The following SLC26A7 variants were observed in gnomAD, a reference collection of about 807,000 sequenced individuals.
SLC26A7 encodes solute carrier family 26 member 7.
SLC26A7 carries 59 observed loss-of-function variants against 82.5 expected under a neutral mutation model. That is an observed-to-expected ratio of 0.72 (90% CI 0.58 to 0.89). The LOEUF (loss-of-function observed/expected upper bound fraction) is 0.89. SLC26A7 is among the 40% of genes least tolerant of loss of function. The probability of loss-of-function intolerance (pLI) is 0.00; values close to 1 mark genes in which losing one functional copy is unlikely to be tolerated. For synonymous variants in SLC26A7, 271 were observed against 274.3 expected, an observed-to-expected ratio of 0.99 and a Z score of 0.12; for missense variants, 820 against 793.0, an observed-to-expected ratio of 1.03 and a Z score of -0.41.
intron 2 of SLC26A7, among the ~76,000 whole-genome samples, chr8:91,240,791 T>C (rs1277084939): frequency 1.3e-5 from 2 of 152,096 alleles, no homozygotes; most frequent in African/African-American, 4.8e-5. Flanking sequence ...TTTAAGATCC[T>C]GGGAAAGCAT....
intron 3 of SLC26A7, among the ~76,000 whole-genome samples, chr8:91,292,049 T>C (rs528106230): frequency 2.0e-5 from 3 of 152,294 alleles, no homozygotes; most frequent in Admixed American, 2.0e-4. Flanking sequence ...CTCACACCTG[T>C]AGTCCCAGCC....
At chr8:91,348,356 A>G in intron 9 of SLC26A7, 1 of 985,362 alleles carries the variant, frequency 1.0e-6, no homozygotes, top group South Asian at 4.7e-5. Flanking sequence ...CTGCTTAGGA[A>G]GTAAATGGCT....
chr8:91,340,169 G>A lies in SLC26A7; in HGVS notation c.879-235G>A, dbSNP rs966779745. Among the ~76,000 whole-genome samples, 24 of 152,162 alleles carry A rather than the reference G, an allele frequency of 1.6e-4. 1 individual carries two copies. The highest frequency in any genetic ancestry group is 4.6e-4 in the African/African-American group (19 of 41,446). The stretch of plus-strand genomic sequence containing the variant: ...GTGGTGTAATCTGAATTCTCTGGGC[G>A]TAAATGCCAGTTAAATGCATGGAGC... On this transcript the variant is annotated intron_variant, in intron 7 of 18. Coordinates refer to ENST00000276609, the MANE Select transcript of SLC26A7 (RefSeq NM_052832.4).
At chr8:91,278,123 TTA>T (rs1811455544) in intron 2 of SLC26A7, among the ~76,000 whole-genome samples, 1 of 152,120 alleles carries the variant, frequency 6.6e-6, no homozygotes, top group Non-Finnish European at 1.5e-5. Flanking sequence ...GCTCACTCTC[TTA>T]TTGGTCAAAG....
intron 11 of SLC26A7, among the ~76,000 whole-genome samples, chr8:91,358,734 T>C (rs1586450593): frequency 6.6e-6 from 1 of 152,126 alleles, no homozygotes; most frequent in African/African-American, 2.4e-5. Context: ...ATACACACCA[T>C]GGAATACTAT....
intron 2 of SLC26A7, among the ~76,000 whole-genome samples, chr8:91,238,533 A>T (rs923448279): frequency 1.3e-5 from 2 of 149,178 alleles, no homozygotes; most frequent in Non-Finnish European, 3.0e-5. Flanking sequence ...GAAAGGTTTT[A>T]TATATATATA....
intron 2 of SLC26A7, among the ~76,000 whole-genome samples, chr8:91,257,634 A>C (rs1810841051): frequency 6.6e-6 from 1 of 152,070 alleles, no homozygotes; most frequent in Non-Finnish European, 1.5e-5. Flanking sequence ...ATAAAAAAAA[A>C]ACACATTTTT....
intron 2 of SLC26A7, among the ~76,000 whole-genome samples, chr8:91,288,764 C>T (rs1356606924): frequency 6.6e-6 from 1 of 152,162 alleles, no homozygotes; most frequent in African/African-American, 2.4e-5. Flanking sequence ...GCCTATCTTA[C>T]AGATGCTATT....
intron 2 of SLC26A7, among the ~76,000 whole-genome samples, chr8:91,287,066 A>T (rs1235791487): frequency 6.6e-6 from 1 of 152,106 alleles, no homozygotes; most frequent in Non-Finnish European, 1.5e-5. Context: ...AGGGCGAATG[A>T]TATTGTTGTT....
At chr8:91,220,396 A>C (rs1009848640) in intron 2 of SLC26A7, among the ~76,000 whole-genome samples, 2 of 151,952 alleles carry the variant, frequency 1.3e-5, no homozygotes, top group African/African-American at 4.8e-5. Flanking sequence ...TCTAAAAAAA[A>C]AAAACTGGGA....
intron 15 of SLC26A7, among the ~76,000 whole-genome samples, chr8:91,379,110 T>C (rs747376703): frequency 6.6e-6 from 1 of 151,968 alleles, no homozygotes; most frequent in East Asian, 1.9e-4. Context: ...TGTATAGACC[T>C]ACACAGGATG....
intron 3 of SLC26A7, among the ~76,000 whole-genome samples, chr8:91,292,319 AAAG>A (rs1420384781): frequency 1.3e-5 from 2 of 152,052 alleles, no homozygotes; most frequent in East Asian, 1.9e-4. Context: ...AAAAAAAAAA[AAAG>A]AAGATAATTT....
At chr8:91,348,241 C>G in intron 9 of SLC26A7, 4 of 731,774 alleles carry the variant, frequency 5.5e-6, no homozygotes, top group Non-Finnish European at 6.7e-6. Context: ...TGTCATCTCT[C>G]TCTTTTTTTC....
chr8:91,355,341 T>C (rs1057171602), intron 11 of SLC26A7, among the ~76,000 whole-genome samples: 30 of 152,252 alleles, frequency 2.0e-4, no homozygotes, highest in Admixed American at 1.5e-3. Context: ...AAATTTTTTC[T>C]TCTAATATAT....
At chr8:91,340,607 C>T (rs746949191) in intron 8 of SLC26A7, 56 bp downstream of exon 8, 28 of 1,593,876 alleles carry the variant, frequency 1.8e-5, no homozygotes, top group Admixed American at 8.3e-5. Flanking sequence ...ACTGTGCACT[C>T]CCAGATCCTA....
intron 4 of SLC26A7, among the ~76,000 whole-genome samples, chr8:91,315,757 C>T (rs1324836615): frequency 6.6e-6 from 1 of 152,004 alleles, no homozygotes; most frequent in East Asian, 1.9e-4. Context: ...GTAGTGTGGC[C>T]CTTCCTACAT....
chr8:91,285,034 C>T (rs920606159), intron 2 of SLC26A7, among the ~76,000 whole-genome samples: 4 of 152,330 alleles, frequency 2.6e-5, no homozygotes, highest in South Asian at 4.1e-4. Context: ...ATTCTTGAGG[C>T]TAGAAGCCCA....
intron 2 of SLC26A7, among the ~76,000 whole-genome samples, chr8:91,279,129 A>ATATATATATATATATATATATATG: frequency 5.2e-5 from 1 of 19,112 alleles, no homozygotes; most frequent in African/African-American, 1.3e-4. Flanking sequence ...GTGTGTGTAT[A>ATATATATATATATATATATATATG]TATATATATA....
upstream of SLC26A7, among the ~76,000 whole-genome samples, chr8:91,248,828 G>A (rs1390819465): frequency 6.6e-6 from 1 of 152,120 alleles, no homozygotes; most frequent in Non-Finnish European, 1.5e-5. Flanking sequence ...TTCAGAGACA[G>A]GGAAGATCTC....
Sources: gnomAD v4.1 joint callset for allele counts (sites outside exome capture counted in the v4.1 genomes callset) on GRCh38, gnomAD v4.1.1 for gene constraint, MANE v1.5 for transcripts, NCBI Gene and HGNC (gene_info 2026-07-23, HGNC 2026-07-21) for gene names.